ASCC3: variants seen among roughly 807,000 people sequenced by gnomAD.
ASCC3 encodes the protein ASC-1 complex subunit P200.
In ASCC3, 158 loss-of-function variants were observed where a neutral mutation model predicts 256.3. The observed-to-expected ratio is 0.62, with a 90% CI of 0.54 to 0.70. ASCC3 has a LOEUF of 0.70. Ranked by LOEUF, ASCC3 falls within the 30% of genes least tolerant of loss-of-function variation. The pLI is 0.00. For synonymous variants in ASCC3, 948 were observed against 883.4 expected (o/e 1.07, Z -1.30); for missense variants, 2,259 against 2,626.0 (o/e 0.86, Z 3.05).
intron 32 of ASCC3, among the ~76,000 whole-genome samples, chr6:100,606,539 T>A (rs1772896941): frequency 6.6e-6 from 1 of 152,138 alleles, no homozygotes; most frequent in African/African-American, 2.4e-5. Context: ...CTTACTTTTG[T>A]GTAAGTAAAA....
chr6:100,830,927 T>G (rs1771589280), intron 4 of ASCC3, among the ~76,000 whole-genome samples: 1 of 152,186 alleles, frequency 6.6e-6, no homozygotes, highest in Non-Finnish European at 1.5e-5. Flanking sequence ...TTTCCTCAGA[T>G]TCATCAAAAT....
intron 8 of ASCC3, among the ~76,000 whole-genome samples, chr6:100,772,546 C>T (rs1186840061): frequency 6.6e-6 from 1 of 152,164 alleles, no homozygotes; most frequent in Non-Finnish European, 1.5e-5. Flanking sequence ...ATCTATTATA[C>T]ATTTGCTTAT....
Position 100,661,777 on chromosome 6 carries a change from A to G in ASCC3, c.2703+29T>C, listed in dbSNP as rs1489620599. ...GGTCATTCTTAAGGCTGATGATTCT[A>G]TTCCAAACTTTTACTCATTAGATCT... is the stretch of plus-strand genomic sequence containing the variant. On this transcript the variant is annotated intron_variant, in intron 16 of 41. Coordinates refer to ENST00000369162, the MANE Select transcript of ASCC3 (RefSeq NM_006828.4). 2.5e-6 allele frequency: 4 copies of G among 1,600,788 alleles called. No homozygotes were observed. In the Admixed American group the frequency reaches 6.7e-5, roughly 27 times the overall value.
At chr6:100,689,151 G>A (rs1777720637) in intron 13 of ASCC3, among the ~76,000 whole-genome samples, 1 of 152,092 alleles carries the variant, frequency 6.6e-6, no homozygotes, top group East Asian at 1.9e-4. Context: ...AATCTCGCCA[G>A]GGAAAATTAA....
intron 36 of ASCC3, among the ~76,000 whole-genome samples, chr6:100,560,096 A>AAT (rs754225564): frequency 1.2e-4 from 19 of 152,294 alleles, no homozygotes; most frequent in East Asian, 3.9e-4. Context: ...TCTTTCTGGT[A>AAT]ATATATGTAA....
At position 100,723,894 on chromosome 6, in the gene ASCC3, A is replaced by ATT. The variant is rs1440014960; in HGVS notation, c.1902+1644_1902+1645insAA. On this transcript the variant is annotated intron_variant, in intron 11 of 41. Coordinates refer to ENST00000369162, the MANE Select transcript of ASCC3 (RefSeq NM_006828.4). ...TATATATATATATATATATATATAT[A>ATT]TATTTATAATTATATATATGACACA... Among the ~76,000 whole-genome samples the ATT allele has an allele frequency of 3.7e-4, 40 of 109,266 alleles. 3 individuals carry two copies. Among genetic ancestry groups the ATT allele is most frequent in the Admixed American group, 7.6e-4 (8 of 10,560 alleles). The allele number at this position is 109,266 out of a possible 152,430, so 71.7% of individuals were successfully genotyped here.
chr6:100,604,478 T>C (rs1772786509), intron 33 of ASCC3, among the ~76,000 whole-genome samples: 1 of 151,936 alleles, frequency 6.6e-6, no homozygotes, highest in Non-Finnish European at 1.5e-5. Context: ...TTTCTGCAGA[T>C]AGAGTTTCAC....
intron 36 of ASCC3, among the ~76,000 whole-genome samples, chr6:100,541,041 G>T (rs1248696400): frequency 1.3e-5 from 2 of 152,112 alleles, no homozygotes; most frequent in Non-Finnish European, 2.9e-5. Flanking sequence ...TAGTCTCCAT[G>T]ATATCAGTCA....
At chr6:100,783,710 A>G (rs1048547984) in intron 8 of ASCC3, among the ~76,000 whole-genome samples, 2 of 152,232 alleles carry the variant, frequency 1.3e-5, no homozygotes, top group African/African-American at 2.4e-5. Context: ...ACAAGTCAGT[A>G]GACTAACTGA....
At chr6:100,841,888 A>C (rs761868108) in intron 4 of ASCC3, among the ~76,000 whole-genome samples, 5 of 152,168 alleles carry the variant, frequency 3.3e-5, no homozygotes, top group Non-Finnish European at 7.4e-5. Flanking sequence ...TGAATAAAAG[A>C]AGCTCTTCAT....
intron 8 of ASCC3, 54 bp downstream of exon 8, chr6:100,798,659 T>C: frequency 6.2e-7 from 1 of 1,606,726 alleles, no homozygotes; most frequent in East Asian, 2.2e-5. Flanking sequence ...ATAAATTCAT[T>C]CATACCGCAT....
rs550826306 is a variant in ASCC3 at position 100,831,187 on chromosome 6, T to G, written c.801+16961A>C. Among the ~76,000 whole-genome samples, 90 of 151,996 alleles carry G rather than the reference T, an allele frequency of 5.9e-4. 1 individual carries two copies. The highest frequency in any genetic ancestry group is 1.1e-3 in the Non-Finnish European group (77 of 67,974). ...AAAATATATTTTACTTTTAAATTTC[T>G]TCTAAAAATTATCTTGAAAAACCCT... is the stretch of plus-strand genomic sequence containing the variant. On this transcript the variant is annotated intron_variant, in intron 4 of 41. Coordinates refer to ENST00000369162, the MANE Select transcript of ASCC3 (RefSeq NM_006828.4).
At chr6:100,607,250 A>C (rs539700509) in intron 30 of ASCC3, among the ~76,000 whole-genome samples, 162 bp from the exon 31 acceptor site, 2 of 152,130 alleles carry the variant, frequency 1.3e-5, no homozygotes, top group African/African-American at 2.4e-5. Context: ...AACTGAAAAG[A>C]ATATCTACTT....
chr6:100,878,884 CCAATT>C (rs1435567469), intron 1 of ASCC3, among the ~76,000 whole-genome samples: 1 of 152,182 alleles, frequency 6.6e-6, no homozygotes, highest in Admixed American at 6.5e-5. Flanking sequence ...TGAGTGTTCT[CCAATT>C]CATTTCTGAC....
intron 8 of ASCC3, among the ~76,000 whole-genome samples, chr6:100,775,333 AT>A (rs1782137977): frequency 6.6e-6 from 1 of 152,150 alleles, no homozygotes; most frequent in African/African-American, 2.4e-5. Context: ...AAGAAAAGAA[AT>A]TATCAAGACT....
intron 4 of ASCC3, among the ~76,000 whole-genome samples, chr6:100,833,263 A>G (rs1036595504): frequency 2.0e-5 from 3 of 152,172 alleles, no homozygotes; most frequent in Admixed American, 6.5e-5. Flanking sequence ...AAAATATGGT[A>G]AGAGTAAAAA....
intron 4 of ASCC3, among the ~76,000 whole-genome samples, chr6:100,844,465 G>A (rs1772297436): frequency 6.6e-6 from 1 of 151,870 alleles, no homozygotes; most frequent in Non-Finnish European, 1.5e-5. Context: ...CCAGTAGAAC[G>A]AACCCTACTG....
At chr6:100,525,175 A>AG (rs1385831987) in intron 37 of ASCC3, among the ~76,000 whole-genome samples, 1 of 149,426 alleles carries the variant, frequency 6.7e-6, no homozygotes, top group Non-Finnish European at 1.5e-5. Context: ...AAAAAAAAAA[A>AG]AAAAAAAAGA....
intron 10 of ASCC3, among the ~76,000 whole-genome samples, chr6:100,728,142 A>G (rs973562058): frequency 6.6e-6 from 1 of 152,138 alleles, no homozygotes; most frequent in East Asian, 1.9e-4. Flanking sequence ...TAATTATGCT[A>G]TAGTGCTTAA....
Sources: gnomAD v4.1 joint callset for allele counts (sites outside exome capture counted in the v4.1 genomes callset) on GRCh38, gnomAD v4.1.1 for gene constraint, MANE v1.5 for transcripts, NCBI Gene and HGNC (gene_info 2026-07-23, HGNC 2026-07-21) for gene names.